The following COPA variants were observed in gnomAD, a reference collection of about 807,000 sequenced individuals.
The protein encoded by COPA is coat protein complex I subunit alpha.
COPA carries 10 observed loss-of-function variants against 158.7 expected under a neutral mutation model. That is an observed-to-expected ratio of 0.06 (90% confidence interval 0.04 to 0.11). The LOEUF (loss-of-function observed/expected upper bound fraction) is 0.11. COPA is among the 10% of genes least tolerant of loss of function. The pLI is 1.00. For missense variants in COPA, 1,065 were observed against 1,536.7 expected (o/e 0.69, Z 5.13); for synonymous variants, 462 against 542.8 (o/e 0.85, Z 2.07).
intron 8 of COPA, chr1:160,317,463 T>C (rs1286459600): frequency 1.2e-6 from 2 of 1,609,260 alleles, no homozygotes; most frequent in African/African-American, 2.7e-5. Flanking sequence ...AAGGTGAATA[T>C]ATTAAACTCA....
At chr1:160,325,730 AT>A in intron 6 of COPA, 78 bp from the exon 7 acceptor site, 1 of 997,922 alleles carries the variant, frequency 1.0e-6, no homozygotes, top group Non-Finnish European at 1.6e-6. Context: ...AAACACAGAA[AT>A]TACAGTGAAA....
Position 160,332,535 on chromosome 1 carries a change from A to G in COPA, c.409T>C (p.Tyr137His). The G allele has an allele frequency of 6.2e-7, 1 of 1,612,528 alleles. No homozygotes were observed. The highest frequency in any genetic ancestry group is 8.5e-7 in the Non-Finnish European group (1 of 1,179,490). The change falls in exon 6 of 33, where the codon TAT (tyrosine) becomes CAT (histidine). Residue 137 changes from tyrosine (Y) to histidine (H), a missense_variant. By Grantham distance (83) the Tyr-to-His change is moderately conservative. Around this residue, in one of 2 missense-constraint regions of COPA, gnomAD observed 85 missense variants for 178.9 expected, o/e 0.48. Coordinates refer to ENST00000241704, the MANE Select transcript of COPA (RefSeq NM_004371.4). ...CVCVLTGHNH[Y>H]VMCAQFHPTE... is the part of the protein sequence containing the mutation. ...GGGTGGAACTGAGCACACATCACAT[A>G]ATGGTTGTGCCCTGTTAACACACTG...
At position 160,312,009 on chromosome 1, in the gene COPA, C is replaced by T; in HGVS notation, c.935G>A (p.Gly312Asp). The change falls in exon 11 of 33, where the codon GGT becomes GAT. Residue 312 changes from glycine to aspartate, a missense_variant. Physicochemically the swap from Gly to Asp is moderately conservative, Grantham distance 94. Around this residue, in one of 2 missense-constraint regions of COPA, gnomAD observed 980 missense variants for 1,357.8 expected, o/e 0.72. Transcript: ENST00000241704. ...TTCCAGCTTAAACACAATCATACCA[C>T]CATCATGGCCTGGGGGACAGGGAGA... ...NLNLFAAGHD[G>D]GMIVFKLERE... 6.2e-7 allele frequency: 1 copy of T among 1,613,270 alleles called. No homozygotes were observed. Among genetic ancestry groups the T allele is most frequent in the Non-Finnish European group, 8.5e-7 (1 of 1,179,510 alleles).
At chr1:160,335,089 G>GA (rs965631291) in intron 4 of COPA, among the ~76,000 whole-genome samples, 153 bp downstream of exon 4, 15 of 151,692 alleles carry the variant, frequency 9.9e-5, no homozygotes, top group Admixed American at 9.2e-4. Context: ...TTTGCAGAAA[G>GA]AAAAAAAGCA....
At chr1:160,321,246 A>G (rs1013320500) in intron 8 of COPA, among the ~76,000 whole-genome samples, 3 of 152,190 alleles carry the variant, frequency 2.0e-5, no homozygotes, top group Non-Finnish European at 2.9e-5. Context: ...ATTACACTTA[A>G]TGGGAAAAAA....
chr1:160,328,215 C>A (rs928521402), intron 6 of COPA, among the ~76,000 whole-genome samples: 4 of 152,142 alleles, frequency 2.6e-5, no homozygotes, highest in Admixed American at 2.6e-4. Flanking sequence ...CTTTTTCTAA[C>A]GAGTCTGGTA....
chr1:160,320,256 C>A (rs564310753), intron 8 of COPA, among the ~76,000 whole-genome samples: 57 of 152,052 alleles, frequency 3.7e-4, no homozygotes, highest in Non-Finnish European at 7.1e-4. Flanking sequence ...AATGACATGC[C>A]AACATACTAG....
At chr1:160,313,495 A>G (rs1394975972) in intron 9 of COPA, among the ~76,000 whole-genome samples, 3 of 151,972 alleles carry the variant, frequency 2.0e-5, no homozygotes, top group African/African-American at 7.2e-5. Context: ...GCTCACTGCA[A>G]GCTCCACCTC....
In COPA at chr1:160,292,653, C is replaced by T. The variant is rs767276642; in HGVS notation, c.2824-33G>A. On this transcript the variant is annotated intron_variant, in intron 27 of 32. Coordinates refer to ENST00000241704, the MANE Select transcript of COPA (RefSeq NM_004371.4). ...AGAAGGAAAGAAACAAGGATTTTGGCCCTGCTGCATAAAAAGCTACTTTTC... is the reference window on the plus strand; with the variant it reads ...AGAAGGAAAGAAACAAGGATTTTGGTCCTGCTGCATAAAAAGCTACTTTTC... The T allele has an allele frequency of 2.6e-6, 4 of 1,544,254 alleles. No individual in the cohort carries two copies. The East Asian group carries it at 6.8e-5, about 26-fold the overall frequency.
rs1039364246 is a variant in COPA at position 160,288,993 on chromosome 1, T to C, written c.*1164A>G. On this transcript the variant is annotated 3_prime_UTR_variant, in exon 33 of 33. Transcript: ENST00000241704. Reference sequence around the variant, plus strand: ...TTTTTTTCTTTCTTTTTTTTTGAGATGGAGTCTCACTCTGTCGCCCAGGCT... The same window carrying C: ...TTTTTTTCTTTCTTTTTTTTTGAGACGGAGTCTCACTCTGTCGCCCAGGCT... 7.2e-5 allele frequency among the ~76,000 whole-genome samples: 11 copies of C among 152,062 alleles called. No homozygotes were observed. The highest frequency in any genetic ancestry group is 2.7e-4 in the African/African-American group (11 of 41,386).
In COPA at chr1:160,309,083, G is replaced by A. The variant is rs777905359; in HGVS notation, c.1219+18C>T. 2 of 1,603,610 alleles carry A rather than the reference G, an allele frequency of 1.2e-6. No homozygotes were observed. Among genetic ancestry groups the A allele is most frequent in the Admixed American group, 1.7e-5 (1 of 59,992 alleles). ...GGAGAGCTGGAAGCAGAGTGGGGTAGACAAAAAGAACACTTACCATCAGGA... is the reference window on the plus strand; with the variant it reads ...GGAGAGCTGGAAGCAGAGTGGGGTAAACAAAAAGAACACTTACCATCAGGA... On this transcript the variant is annotated intron_variant, in intron 13 of 32. Coordinates refer to ENST00000241704, the MANE Select transcript of COPA (RefSeq NM_004371.4).
chr1:160,302,056 A>G (rs1195940882), intron 17 of COPA, among the ~76,000 whole-genome samples: 1 of 152,132 alleles, frequency 6.6e-6, no homozygotes, highest in Non-Finnish European at 1.5e-5. Context: ...AGTAAGCAAG[A>G]AAAATATAGT....
chr1:160,297,787 T>C (rs1658462767), intron 19 of COPA, 42 bp from the exon 20 acceptor site: 7 of 1,593,894 alleles, frequency 4.4e-6, no homozygotes, highest in Non-Finnish European at 5.1e-6. Flanking sequence ...TGAAGGACAA[T>C]GTGACTCAAA....
intron 8 of COPA, 64 bp from the exon 9 acceptor site, chr1:160,314,189 T>C: frequency 2.0e-6 from 3 of 1,523,566 alleles, no homozygotes; most frequent in Non-Finnish European, 2.7e-6. Context: ...GATTTGGAGA[T>C]ATGACATCCT....
chr1:160,311,875 A>T lies in COPA; in HGVS notation c.1069T>A (p.Leu357Met). Reference protein sequence around the residue: ...NSSKDVAVMQLRSGSKFPVFN... With the variant: ...NSSKDVAVMQMRSGSKFPVFN... ...GAAACAAGTCCGATTTACCTCCGCA[A>T]CTGCATCACAGCTACATCTTTGGAG... The change falls in exon 11 of 33, where the codon TTG becomes ATG. Residue 357 changes from leucine (L) to methionine (M), a missense_variant. Leu to Met is a conservative substitution (Grantham distance 15). Around this residue, in one of 2 missense-constraint regions of COPA, gnomAD observed 980 missense variants for 1,357.8 expected, o/e 0.72. Transcript: ENST00000241704. 1 of 1,612,404 alleles carries T rather than the reference A, an allele frequency of 6.2e-7. No individual in the cohort carries two copies.
At chr1:160,292,781 G>A in intron 27 of COPA, among the ~76,000 whole-genome samples, 161 bp from the exon 28 acceptor site, 1 of 152,128 alleles carries the variant, frequency 6.6e-6, no homozygotes, top group East Asian at 1.9e-4. Flanking sequence ...AAGTATTTAG[G>A]ATAGTGCCTG....
intron 6 of COPA, among the ~76,000 whole-genome samples, chr1:160,330,827 C>T (rs546685862): frequency 2.0e-5 from 3 of 152,254 alleles, no homozygotes; most frequent in African/African-American, 7.2e-5. Context: ...GTAGTCCAGT[C>T]ACTGACATTT....
Position 160,337,499 on chromosome 1 carries a change from G to A in COPA, c.229-2177C>T, listed in dbSNP as rs1474861094. Reference sequence around the variant, plus strand: ...CTTTGGGAGGCCGAGGCAGGAAGACGACCCGAGGTCGGGAGTTCAAGACCA... The same window carrying A: ...CTTTGGGAGGCCGAGGCAGGAAGACAACCCGAGGTCGGGAGTTCAAGACCA... On this transcript the variant is annotated intron_variant, in intron 3 of 32. Transcript: ENST00000241704. 3.3e-5 allele frequency among the ~76,000 whole-genome samples: 5 copies of A among 152,102 alleles called. 1 individual carries two copies. Among genetic ancestry groups the A allele is most frequent in the South Asian group, 4.1e-4 (2 of 4,826 alleles).
At chr1:160,317,711 T>A in intron 8 of COPA, 1 of 1,427,190 alleles carries the variant, frequency 7.0e-7, no homozygotes, top group Non-Finnish European at 9.9e-7. Context: ...GTTTAGATAT[T>A]CTTTTTATTT....
Sources: gnomAD v4.1 joint callset for allele counts (sites outside exome capture counted in the v4.1 genomes callset) on GRCh38, gnomAD v4.1.1 for gene constraint, gnomAD v4.1.1 regional missense constraint, MANE v1.5 for transcripts, NCBI Gene and HGNC (gene_info 2026-07-23, HGNC 2026-07-21) for gene names.